The following SLC30A8 variants were observed in gnomAD, a reference collection of about 807,000 sequenced individuals.
The protein encoded by SLC30A8 is solute carrier family 30 member 8.
In SLC30A8, 27 loss-of-function variants were observed where a neutral mutation model predicts 36.9. The observed-to-expected ratio is 0.73, with a 90% confidence interval of 0.54 to 1.01. The LOEUF (loss-of-function observed/expected upper bound fraction) is 1.01, where lower values mean the gene tolerates loss of function less well. SLC30A8 is among the 50% of genes least tolerant of loss of function. SLC30A8 has a pLI of 0.00. For synonymous variants in SLC30A8, 164 were observed against 172.4 expected (o/e 0.95, Z 0.38); for missense variants, 439 against 452.0 (o/e 0.97, Z 0.26).
chr8:116,964,378 G>A (rs1030065424), intron 1 of SLC30A8, among the ~76,000 whole-genome samples: 6 of 152,138 alleles, frequency 3.9e-5, no homozygotes, highest in Non-Finnish European at 1.5e-5. Flanking sequence ...TGTTTGCCAC[G>A]TTTTAACAGA....
intron 2 of SLC30A8, among the ~76,000 whole-genome samples, chr8:117,057,030 T>C (rs114573475): frequency 0.018 from 2,747 of 152,282 alleles, 84 homozygotes; most frequent in African/African-American, 0.062. Context: ...CTAGGGCTGC[T>C]ATAACAAAAT....
intron 2 of SLC30A8, among the ~76,000 whole-genome samples, chr8:117,066,398 C>T (rs527586350): frequency 5.3e-4 from 81 of 152,304 alleles, no homozygotes; most frequent in African/African-American, 1.9e-3. Context: ...CAGCTTCTTT[C>T]TTGGAGTCAG....
chr8:117,028,200 T>G (rs1039784650), intron 1 of SLC30A8, among the ~76,000 whole-genome samples: 8 of 152,148 alleles, frequency 5.3e-5, no homozygotes, highest in Admixed American at 2.6e-4. Context: ...TTGTCTAATC[T>G]CATATCACAA....
rs114610192 is a variant in SLC30A8 at position 117,159,340 on chromosome 8, C to T, written c.572+1496C>T. Reference sequence around the variant, plus strand: ...ACATGAAGGTAGAGAAGACAGTGATCGAAAAATGAAGTTTTAAACAGTGGA... The same window carrying T: ...ACATGAAGGTAGAGAAGACAGTGATTGAAAAATGAAGTTTTAAACAGTGGA... On this transcript the variant is annotated intron_variant, in intron 4 of 7. Transcript: ENST00000456015. Among the ~76,000 whole-genome samples the T allele has an allele frequency of 7.8e-3, 1,181 of 152,216 alleles. 15 individuals carry two copies. Among genetic ancestry groups the T allele is most frequent in the African/African-American group, 0.027 (1,121 of 41,510 alleles).
At chr8:117,089,795 G>A (rs932897873) in intron 2 of SLC30A8, among the ~76,000 whole-genome samples, 1 of 151,988 alleles carries the variant, frequency 6.6e-6, no homozygotes, top group South Asian at 2.1e-4. Context: ...CATGACTTAC[G>A]AAGCTCCACC....
chr8:116,988,816 G>T (rs1351209424), intron 1 of SLC30A8, among the ~76,000 whole-genome samples: 2 of 152,168 alleles, frequency 1.3e-5, no homozygotes, highest in Non-Finnish European at 2.9e-5. Context: ...AACTATACTT[G>T]CCTTCTCTAC....
At chr8:116,954,177 T>G (rs1356374200) in intron 1 of SLC30A8, among the ~76,000 whole-genome samples, 1 of 152,062 alleles carries the variant, frequency 6.6e-6, no homozygotes, top group Non-Finnish European at 1.5e-5. Flanking sequence ...GAAAGATGAG[T>G]AGATGGTAAT....
chr8:117,151,624 A>T (rs115171688), intron 2 of SLC30A8, among the ~76,000 whole-genome samples: 2 of 152,194 alleles, frequency 1.3e-5, no homozygotes, highest in African/African-American at 4.8e-5. Context: ...ACTGTTGAAG[A>T]GAGTTTATAA....
At chr8:117,148,633 G>T (rs1404692792) in intron 2 of SLC30A8, among the ~76,000 whole-genome samples, 1 of 152,156 alleles carries the variant, frequency 6.6e-6, no homozygotes, top group African/African-American at 2.4e-5. Context: ...TGAGAACACA[G>T]TATCTTTAAG....
At chr8:117,114,134 C>T (rs551469332) in intron 2 of SLC30A8, among the ~76,000 whole-genome samples, 1 of 152,250 alleles carries the variant, frequency 6.6e-6, no homozygotes, top group East Asian at 1.9e-4. Context: ...AATTCAGACA[C>T]ACAGCACTTA....
chr8:117,170,169 C>T (rs552114387), intron 6 of SLC30A8, among the ~76,000 whole-genome samples: 2 of 152,220 alleles, frequency 1.3e-5, no homozygotes, highest in African/African-American at 4.8e-5. Context: ...GTAACTTAGT[C>T]ATCAGGATTT....
At chr8:117,053,558 A>G (rs34012554) in intron 2 of SLC30A8, among the ~76,000 whole-genome samples, 18,197 of 152,136 alleles carry the variant, frequency 0.12, 1,160 homozygotes, top group East Asian at 0.14. Context: ...CAGCTATTAT[A>G]GGAATGTCTA....
In SLC30A8 at chr8:117,172,562, C is replaced by T. The variant is rs1466795972; in HGVS notation, c.991C>T (p.Arg331Trp). ...TAASRDSQVV[R>W]REIAKALSKS... ...AGCCAGCCGGGACAGCCAAGTGGTT[C>T]GGAGAGAAATTGCTAAAGCCCTTAG... Residue 331 changes from arginine (R) to tryptophan (W), a missense_variant, in exon 8 of 8, where the codon CGG (arginine) becomes TGG (tryptophan). By Grantham distance (101) the Arg-to-Trp change is moderately radical (BLOSUM62 -3). Coordinates refer to ENST00000456015, the MANE Select transcript of SLC30A8 (RefSeq NM_173851.3). 10 of 1,613,668 alleles carry T rather than the reference C, an allele frequency of 6.2e-6. No individual in the cohort carries two copies. Among genetic ancestry groups the T allele is most frequent in the Middle Eastern group, 1.7e-4 (1 of 6,052 alleles).
intron 2 of SLC30A8, among the ~76,000 whole-genome samples, chr8:117,121,006 G>A (rs1326004512): frequency 2.0e-5 from 3 of 151,798 alleles, no homozygotes; most frequent in South Asian, 2.1e-4. Context: ...GGTCTCTGAG[G>A]TTGTGGAGAA....
chr8:117,069,663 T>A (rs1320611736), intron 2 of SLC30A8, among the ~76,000 whole-genome samples: 1 of 152,254 alleles, frequency 6.6e-6, no homozygotes, highest in Non-Finnish European at 1.5e-5. Context: ...TTGGCAAATC[T>A]ACCTCTATCA....
Position 116,963,197 on chromosome 8 carries a change from TGCA to T in SLC30A8, c.-266+12081_-266+12083del, listed in dbSNP as rs561331997. Among the ~76,000 whole-genome samples the T allele has an allele frequency of 1.9e-3, 297 of 152,318 alleles. 3 individuals carry two copies. The highest frequency in any genetic ancestry group is 6.7e-3 in the African/African-American group (277 of 41,574). On this transcript the variant is annotated intron_variant, in intron 1 of 10. Coordinates refer to the SLC30A8 transcript ENST00000427715. ...TAGAACCCAAGGCCCGTGAGAACCC[TGCA>T]GCTGTCAATAGCCCTCTTAGATTTT...
intron 1 of SLC30A8, among the ~76,000 whole-genome samples, chr8:116,952,446 C>A (rs981612306): frequency 6.6e-6 from 1 of 152,054 alleles, no homozygotes; most frequent in African/African-American, 2.4e-5. Context: ...GAAACTACTT[C>A]CAATTTTTTT....
intron 1 of SLC30A8, among the ~76,000 whole-genome samples, chr8:117,136,057 G>A (rs964151319): frequency 2.0e-5 from 3 of 151,888 alleles, no homozygotes; most frequent in African/African-American, 7.2e-5. Flanking sequence ...TTAGTCTAAT[G>A]TGAAATACAT....
chr8:117,128,776 T>A (rs528091742), intron 2 of SLC30A8, among the ~76,000 whole-genome samples: 10 of 152,048 alleles, frequency 6.6e-5, no homozygotes, highest in Non-Finnish European at 8.8e-5. Context: ...GTGTTTCCTT[T>A]AGTATGAAGG....
Sources: gnomAD v4.1 joint callset for allele counts (sites outside exome capture counted in the v4.1 genomes callset) on GRCh38, gnomAD v4.1.1 for gene constraint, MANE v1.5 for transcripts, NCBI Gene and HGNC (gene_info 2026-07-23, HGNC 2026-07-21) for gene names.